Variants in TRHDE observed in about 807,000 individuals in gnomAD.
TRHDE encodes thyrotropin-releasing hormone-degrading ectoenzyme.
Under a neutral mutation model 125.7 loss-of-function variants are expected in TRHDE, and 72 were observed. That is an observed-to-expected ratio of 0.57 (90% confidence interval 0.47 to 0.70). TRHDE has a LOEUF of 0.70. Among genes scored for constraint, TRHDE ranks in the 30% least tolerant of loss-of-function variants. TRHDE has a pLI of 0.00. For synonymous variants in TRHDE, 509 were observed against 509.1 expected, an observed-to-expected ratio of 1.00 and a Z score of 0.00; for missense variants, 1,110 against 1,327.1, an observed-to-expected ratio of 0.84 and a Z score of 2.54.
chr12:72,100,331 G>T (rs1875037604), intron 1 of TRHDE, among the ~76,000 whole-genome samples: 1 of 152,156 alleles, frequency 6.6e-6, no homozygotes, highest in Non-Finnish European at 1.5e-5. Context: ...TTCTCAGATT[G>T]CAGCTATTAT....
chr12:72,234,449 C>T (rs535343841), intron 2 of TRHDE, among the ~76,000 whole-genome samples: 1 of 152,116 alleles, frequency 6.6e-6, no homozygotes, highest in Admixed American at 6.6e-5. Flanking sequence ...TTACATAATC[C>T]ACATTTCTTA....
intron 3 of TRHDE, among the ~76,000 whole-genome samples, chr12:72,385,658 C>A (rs1872379351): frequency 1.3e-5 from 2 of 152,030 alleles, no homozygotes; most frequent in Non-Finnish European, 2.9e-5. Context: ...TATTTTAACA[C>A]AATTTAACAA....
chr12:72,599,245 G>A (rs953475660), intron 12 of TRHDE, among the ~76,000 whole-genome samples: 2 of 152,110 alleles, frequency 1.3e-5, no homozygotes, highest in Admixed American at 6.6e-5. Context: ...TATATACCTA[G>A]TAATGAGATT....
intron 6 of TRHDE, among the ~76,000 whole-genome samples, chr12:72,520,308 G>C (rs1398860338): frequency 6.6e-6 from 1 of 152,204 alleles, no homozygotes; most frequent in African/African-American, 2.4e-5. Flanking sequence ...GTGGGCGTAA[G>C]ACCCTCCGAG....
At chr12:72,575,612 T>C (rs1418086857) in intron 12 of TRHDE, 70 bp downstream of exon 12, 47 of 1,331,078 alleles carry the variant, frequency 3.5e-5, no homozygotes, top group Non-Finnish European at 1.1e-6. Context: ...AACTGCATAA[T>C]ATGTATATGT....
At chr12:72,135,032 TA>T (rs139578075) in intron 2 of TRHDE, among the ~76,000 whole-genome samples, 5,736 of 146,924 alleles carry the variant, frequency 0.039, 193 homozygotes, top group African/African-American at 0.096. Context: ...AAAACACTAT[TA>T]AAAAAAAAAG....
chr12:72,157,864 A>T (rs1324892488), intron 2 of TRHDE, among the ~76,000 whole-genome samples: 1 of 152,108 alleles, frequency 6.6e-6, no homozygotes, highest in East Asian at 1.9e-4. Flanking sequence ...CCAGATAGGG[A>T]GTTAGTTTAG....
At chr12:72,636,611 G>A (rs1873764779) in intron 15 of TRHDE, among the ~76,000 whole-genome samples, 1 of 152,002 alleles carries the variant, frequency 6.6e-6, no homozygotes, top group African/African-American at 2.4e-5. Context: ...TCCAGTTTTT[G>A]CCCATTCAGT....
chr12:72,585,289 T>A (rs7315299), intron 12 of TRHDE, among the ~76,000 whole-genome samples: 35,426 of 152,138 alleles, frequency 0.23, 5,780 homozygotes, highest in East Asian at 0.54. Context: ...TAAGTCTGTA[T>A]AATTTGATTT....
chr12:72,657,325 C>G (rs1874745966), intron 18 of TRHDE, among the ~76,000 whole-genome samples: 1 of 152,114 alleles, frequency 6.6e-6, no homozygotes, highest in Non-Finnish European at 1.5e-5. Context: ...GTAGGATTCA[C>G]TAAATAACAA....
At chr12:72,296,022 C>T (rs907004047) in intron 2 of TRHDE, among the ~76,000 whole-genome samples, 2 of 152,198 alleles carry the variant, frequency 1.3e-5, no homozygotes, top group Non-Finnish European at 2.9e-5. Flanking sequence ...TCATCTCTCA[C>T]AGCTGTTTTT....
intron 2 of TRHDE, chr12:72,262,900 T>G (rs973644325): frequency 3.3e-5 from 5 of 152,148 alleles, no homozygotes; most frequent in African/African-American, 1.2e-4. Flanking sequence ...TTTTTGAAAC[T>G]GAAAATGAAA....
intron 2 of TRHDE, among the ~76,000 whole-genome samples, chr12:72,206,661 C>CT: frequency 6.6e-6 from 1 of 152,056 alleles, no homozygotes; most frequent in Non-Finnish European, 1.5e-5. Context: ...GACTGTGTTT[C>CT]ATTATTATCC....
At chr12:72,256,089 T>C (rs2139390636) in intron 2 of TRHDE, 1 of 152,304 alleles carries the variant, frequency 6.6e-6, no homozygotes, top group East Asian at 1.9e-4. Context: ...ATAGGTCATG[T>C]CATTCCTCAG....
At chr12:72,394,148 T>C (rs1872706184) in intron 3 of TRHDE, among the ~76,000 whole-genome samples, 1 of 152,238 alleles carries the variant, frequency 6.6e-6, no homozygotes, top group South Asian at 2.1e-4. Flanking sequence ...TCATGCTTAA[T>C]TTAAGTTTGT....
chr12:72,648,800 A>T (rs781676338), intron 15 of TRHDE, among the ~76,000 whole-genome samples: 1 of 152,120 alleles, frequency 6.6e-6, no homozygotes, highest in Non-Finnish European at 1.5e-5. Context: ...AAAATACAAA[A>T]ATAAACTTTC....
In TRHDE at chr12:72,664,321, T is replaced by A. The variant is rs1179246138; in HGVS notation, c.*1126T>A. ...CAGAGAGTTAAAAAAATTCTCTGCA[T>A]GTTGGTCTTTTAAGTCTGTTTTGCT... On this transcript the variant is annotated 3_prime_UTR_variant, in exon 19 of 19. Transcript: ENST00000261180. 1 of 152,550 alleles carries A rather than the reference T, an allele frequency of 6.6e-6. No individual in the cohort carries two copies. The highest frequency in any genetic ancestry group is 1.5e-5 in the Non-Finnish European group (1 of 68,024). 9.4% of individuals were successfully genotyped at this position (152,550 alleles called of 1,614,324 possible).
chr12:72,324,915 T>C (rs1869270061), intron 2 of TRHDE, among the ~76,000 whole-genome samples: 1 of 152,074 alleles, frequency 6.6e-6, no homozygotes, highest in Admixed American at 6.6e-5. Flanking sequence ...GTTCTAGACA[T>C]TGGGTATGGC....
chr12:72,097,134 G>A (rs146807125), intron 1 of TRHDE, among the ~76,000 whole-genome samples: 42 of 152,284 alleles, frequency 2.8e-4, no homozygotes, highest in African/African-American at 9.1e-4. Context: ...CAAAAGAAAA[G>A]ATAAATGGAT....
Sources: gnomAD v4.1 joint callset for allele counts (sites outside exome capture counted in the v4.1 genomes callset) on GRCh38, gnomAD v4.1.1 for gene constraint, MANE v1.5 for transcripts, NCBI Gene and HGNC (gene_info 2026-07-23, HGNC 2026-07-21) for gene names.